MACROD2: variants seen among roughly 807,000 people sequenced by gnomAD.
The protein encoded by MACROD2 is ADP-ribose glycohydrolase MACROD2.
Under a neutral mutation model 70.4 loss-of-function variants are expected in MACROD2, and 36 were observed. The ratio of observed to expected loss-of-function variants is 0.51; its 90% CI spans 0.39 to 0.68. The LOEUF (loss-of-function observed/expected upper bound fraction) is 0.68. Among genes scored for constraint, MACROD2 ranks in the 30% least tolerant of loss-of-function variants. The probability of loss-of-function intolerance (pLI) is 0.00; values close to 1 mark genes in which losing one functional copy is unlikely to be tolerated. For synonymous variants in MACROD2, 172 were observed against 178.8 expected (o/e 0.96, Z 0.30); for missense variants, 496 against 538.4 (o/e 0.92, Z 0.78).
intron 3 of MACROD2, among the ~76,000 whole-genome samples, chr20:14,117,096 A>T (rs988591959): frequency 1.3e-5 from 2 of 151,926 alleles, no homozygotes; most frequent in African/African-American, 2.4e-5. Flanking sequence ...TACAGCTTCT[A>T]ATTTTACATG....
chr20:15,323,103 G>T (rs1330004855), intron 6 of MACROD2, among the ~76,000 whole-genome samples: 1 of 103,770 alleles, frequency 9.6e-6, no homozygotes, highest in African/African-American at 3.0e-5. Flanking sequence ...ATTCTGCAGT[G>T]ATATATTGCT....
intron 3 of MACROD2, among the ~76,000 whole-genome samples, chr20:14,251,995 C>G (rs1195437485): frequency 6.6e-6 from 1 of 151,978 alleles, no homozygotes; most frequent in Non-Finnish European, 1.5e-5. Flanking sequence ...TGGTTGTAAG[C>G]AATAATATCT....
chr20:15,232,075 CCTTCCTTT>C (rs1292351126), intron 6 of MACROD2, among the ~76,000 whole-genome samples: 1 of 151,948 alleles, frequency 6.6e-6, no homozygotes. Context: ...TCCTTCCCTT[CCTTCCTTT>C]CTTCCTTTCT....
At position 15,988,385 on chromosome 20, in the gene MACROD2, C is replaced by T. The variant is rs567648705; in HGVS notation, c.1153+1227C>T. Among the ~76,000 whole-genome samples, 5 of 152,210 alleles carry T rather than the reference C, an allele frequency of 3.3e-5. No individual in the cohort carries two copies. In the South Asian group the frequency reaches 6.2e-4, roughly 19 times the overall value. On this transcript the variant is annotated intron_variant, in intron 15 of 17. Transcript: ENST00000684519. ...AAAATGTGAAATAGACAATGCTGTGCGTGTTAGCTTAATTTCTCTGTAGCA... is the reference window on the plus strand; with the variant it reads ...AAAATGTGAAATAGACAATGCTGTGTGTGTTAGCTTAATTTCTCTGTAGCA...
At chr20:15,675,445 T>G (rs6034256) in intron 8 of MACROD2, among the ~76,000 whole-genome samples, 5,695 of 152,210 alleles carry the variant, frequency 0.037, 162 homozygotes, top group African/African-American at 0.084. Context: ...ATTAATCTAC[T>G]TTTATCTGTG....
At chr20:15,080,084 C>G (rs1011020076) in intron 5 of MACROD2, among the ~76,000 whole-genome samples, 1 of 151,300 alleles carries the variant, frequency 6.6e-6, no homozygotes, top group Non-Finnish European at 1.5e-5. Context: ...TCTCTTGACT[C>G]TAATGCCTTC....
chr20:15,049,728 A>T (rs898816879), intron 5 of MACROD2, among the ~76,000 whole-genome samples: 1 of 152,088 alleles, frequency 6.6e-6, no homozygotes, highest in Admixed American at 6.5e-5. Flanking sequence ...CAGGCAGATC[A>T]CCTGAGGTTA....
At chr20:16,045,963 C>T (rs1172983594) in intron 17 of MACROD2, among the ~76,000 whole-genome samples, 1 of 148,804 alleles carries the variant, frequency 6.7e-6, no homozygotes, top group Non-Finnish European at 1.5e-5. Context: ...TATAACTGTT[C>T]CAAGTTCTGG....
intron 6 of MACROD2, among the ~76,000 whole-genome samples, chr20:15,353,338 A>T (rs1203000763): frequency 6.6e-6 from 1 of 152,232 alleles, no homozygotes; most frequent in Non-Finnish European, 1.5e-5. Context: ...CTTACACCTT[A>T]TACAAAAATT....
In MACROD2 at chr20:15,759,706, C is replaced by T. The variant is rs150366448; in HGVS notation, c.646-103039C>T. ...AGTCTTGCTTTGAGCACTATTGCGA[C>T]GTAGACTATTTATGGGACAATATTG... On this transcript the variant is annotated intron_variant, in intron 8 of 17. Coordinates refer to ENST00000684519, the MANE Select transcript of MACROD2 (RefSeq NM_001351661.2). Among the ~76,000 whole-genome samples the T allele has an allele frequency of 1.5e-3, 233 of 152,338 alleles. 1 individual carries two copies. The highest frequency in any genetic ancestry group is 4.6e-3 in the African/African-American group (191 of 41,584).
chr20:14,951,319 G>A (rs944908833), intron 5 of MACROD2, among the ~76,000 whole-genome samples: 2 of 152,054 alleles, frequency 1.3e-5, no homozygotes, highest in Non-Finnish European at 2.9e-5. Flanking sequence ...TGTAAATGCA[G>A]GAAGCTGGTT....
intron 6 of MACROD2, among the ~76,000 whole-genome samples, chr20:15,296,520 A>C (rs1414804470): frequency 6.6e-6 from 1 of 152,150 alleles, no homozygotes; most frequent in Non-Finnish European, 1.5e-5. Context: ...GGTTCAAAAA[A>C]TAACAGAGAG....
intron 8 of MACROD2, among the ~76,000 whole-genome samples, chr20:15,663,680 TA>T (rs1167554681): frequency 1.3e-5 from 2 of 152,200 alleles, no homozygotes; most frequent in African/African-American, 4.8e-5. Context: ...TGTGGTCTTT[TA>T]TCAGTCTAAT....
intron 7 of MACROD2, among the ~76,000 whole-genome samples, chr20:15,442,250 A>T (rs1237691655): frequency 6.6e-6 from 1 of 152,164 alleles, no homozygotes; most frequent in Non-Finnish European, 1.5e-5. Flanking sequence ...GGTCAATGAT[A>T]CTCTTTTAAA....
chr20:14,245,086 C>A (rs554787502), intron 3 of MACROD2, among the ~76,000 whole-genome samples: 2 of 152,104 alleles, frequency 1.3e-5, no homozygotes, highest in African/African-American at 4.8e-5. Flanking sequence ...ATGCCTAGGC[C>A]GGGCGTAGTG....
intron 8 of MACROD2, among the ~76,000 whole-genome samples, chr20:15,566,017 CTTCTT>C (rs2048305591): frequency 6.6e-6 from 1 of 152,170 alleles, no homozygotes; most frequent in African/African-American, 2.4e-5. Flanking sequence ...GATCTCTGAG[CTTCTT>C]TCAGCACTAC....
At chr20:15,517,019 T>C (rs1004928282) in intron 8 of MACROD2, among the ~76,000 whole-genome samples, 3 of 152,210 alleles carry the variant, frequency 2.0e-5, no homozygotes, top group Non-Finnish European at 2.9e-5. Flanking sequence ...CATAACACAT[T>C]GTTTCCTTGT....
chr20:14,337,609 G>A, intron 3 of MACROD2: 1 of 398,564 alleles, frequency 2.5e-6, no homozygotes, highest in East Asian at 3.6e-5. Context: ...CCAGTTTACT[G>A]CACACAGCCC....
intron 7 of MACROD2, among the ~76,000 whole-genome samples, chr20:15,494,442 G>A (rs747543350): frequency 2.0e-5 from 3 of 151,864 alleles, no homozygotes; most frequent in Non-Finnish European, 2.9e-5. Flanking sequence ...ATCAACACTC[G>A]ACTGGATAAA....
Sources: allele counts gnomAD v4.1 joint callset (sites outside exome capture counted in the v4.1 genomes callset), GRCh38; gene constraint gnomAD v4.1.1; transcripts MANE v1.5; gene names NCBI Gene and HGNC (gene_info 2026-07-23, HGNC 2026-07-21).